Variants in DNAJC13 observed in about 807,000 individuals in gnomAD.
DNAJC13 encodes the protein DnaJ heat shock protein family (Hsp40) member C13, also known as dnaJ homolog subfamily C member 13.
In DNAJC13, 75 loss-of-function variants were observed where a neutral mutation model predicts 290.5. The ratio of observed to expected loss-of-function variants is 0.26; its 90% CI spans 0.21 to 0.31. DNAJC13 has a LOEUF of 0.31. Ranked by LOEUF, DNAJC13 falls within the 10% of genes least tolerant of loss-of-function variation. The probability of loss-of-function intolerance (pLI) is 1.00; values close to 1 mark genes in which losing one functional copy is unlikely to be tolerated. For synonymous variants in DNAJC13, 862 were observed against 892.0 expected (o/e 0.97, Z 0.60); for missense variants, 2,260 against 2,674.5 (o/e 0.85, Z 3.42).
At chr3:132,475,907 T>G (rs1934456553) in intron 22 of DNAJC13, among the ~76,000 whole-genome samples, 1 of 152,172 alleles carries the variant, frequency 6.6e-6, no homozygotes. Flanking sequence ...TCATTAAGTT[T>G]CATGGCTTTA....
chr3:132,471,084 CTCCCGGACGGGGCGGCT>C (rs1934225523), intron 20 of DNAJC13, among the ~76,000 whole-genome samples: 1 of 139,976 alleles, frequency 7.1e-6, no homozygotes, highest in Non-Finnish European at 1.6e-5. Context: ...CCCCACCTCC[CTCCCGGACGGGGCGGCT>C]GGCCGGGTGG....
intron 2 of DNAJC13, among the ~76,000 whole-genome samples, chr3:132,438,316 A>G (rs1939432244): frequency 6.6e-6 from 1 of 152,304 alleles, no homozygotes; most frequent in Non-Finnish European, 1.5e-5. Flanking sequence ...ACATTATTAA[A>G]TGGCACTGAG....
chr3:132,513,989 A>T (rs919750530), intron 45 of DNAJC13, among the ~76,000 whole-genome samples: 11 of 152,220 alleles, frequency 7.2e-5, no homozygotes, highest in African/African-American at 2.7e-4. Context: ...TAAATTGGTC[A>T]AAGAGCTTAA....
At chr3:132,502,210 C>A in intron 39 of DNAJC13, 79 bp from the exon 40 acceptor site, 1 of 1,320,646 alleles carries the variant, frequency 7.6e-7, no homozygotes, top group Non-Finnish European at 1.0e-6. Flanking sequence ...GACATACATG[C>A]ACAACCAGTT....
At chr3:132,446,375 C>A in intron 2 of DNAJC13, 100 bp from the exon 3 acceptor site, 2 of 736,688 alleles carry the variant, frequency 2.7e-6, no homozygotes, top group African/African-American at 1.8e-5. Context: ...TCAACTAACA[C>A]ATTTCTATGT....
At chr3:132,491,563 T>C (rs773969189) in intron 32 of DNAJC13, among the ~76,000 whole-genome samples, 14 of 152,082 alleles carry the variant, frequency 9.2e-5, no homozygotes, top group East Asian at 3.8e-4. Context: ...TATGTCTTTG[T>C]TGGGGGGGAA....
rs780398844 is a variant in DNAJC13 at position 132,525,691 on chromosome 3, T to C, written c.6142T>C (p.Leu2048=). Residue 2048 remains leucine (L), a synonymous_variant, in exon 52 of 56, where the codon TTG becomes CTG. Coordinates refer to ENST00000260818, the MANE Select transcript of DNAJC13 (RefSeq NM_015268.4). ...TCAGCTGGCAGATCAGGTCCCGCCA[T>C]TGGGCCATCTTCCCAAAGTTATCCA... ...QPQLADQVPP[L]GHLPKVIQAM... is the part of the protein sequence containing the mutation. 1.1e-5 allele frequency: 18 copies of C among 1,614,104 alleles called. No homozygotes were observed. Among genetic ancestry groups the C allele is most frequent in the South Asian group, 9.9e-5 (9 of 91,088 alleles).
chr3:132,482,774 G>T (rs1283735333), intron 27 of DNAJC13, among the ~76,000 whole-genome samples: 1 of 151,712 alleles, frequency 6.6e-6, no homozygotes, highest in Non-Finnish European at 1.5e-5. Flanking sequence ...TGGGAGGATC[G>T]CTTGAGTCCA....
At chr3:132,456,158 G>T in intron 9 of DNAJC13, 77 bp from the exon 10 acceptor site, 2 of 1,344,024 alleles carry the variant, frequency 1.5e-6, no homozygotes, top group Admixed American at 1.9e-5. Context: ...CTGCTAAAGG[G>T]CCTATGCTTC....
chr3:132,465,279 T>C (rs1458958862), intron 17 of DNAJC13, among the ~76,000 whole-genome samples: 1 of 152,150 alleles, frequency 6.6e-6, no homozygotes, highest in Non-Finnish European at 1.5e-5. Flanking sequence ...ATGACCATTC[T>C]TATAGCTATG....
intron 36 of DNAJC13, among the ~76,000 whole-genome samples, chr3:132,498,315 G>T (rs1288410279): frequency 1.3e-5 from 2 of 151,946 alleles, no homozygotes; most frequent in Non-Finnish European, 2.9e-5. Flanking sequence ...ATAAACAAGG[G>T]CACTTGTTAT....
intron 28 of DNAJC13, 100 bp from the exon 29 acceptor site, chr3:132,484,488 A>T (rs550275049): frequency 8.2e-6 from 9 of 1,097,090 alleles, no homozygotes; most frequent in African/African-American, 3.1e-5. Context: ...TTAACAAAAA[A>T]GTAAGGTAAC....
At chr3:132,490,340 T>C (rs1490200173) in intron 31 of DNAJC13, among the ~76,000 whole-genome samples, 1 of 152,174 alleles carries the variant, frequency 6.6e-6, no homozygotes, top group Non-Finnish European at 1.5e-5. Flanking sequence ...AGTTTAAAAT[T>C]TAGTATGATC....
chr3:132,475,229 C>A (rs1934431372), intron 22 of DNAJC13, 144 bp downstream of exon 22: 3 of 540,648 alleles, frequency 5.5e-6, no homozygotes, highest in Non-Finnish European at 8.5e-6. Context: ...TACTGGAAAA[C>A]TTTAATCTGT....
At chr3:132,450,913 C>T (rs1360182210) in intron 6 of DNAJC13, 66 bp downstream of exon 6, 2 of 923,070 alleles carry the variant, frequency 2.2e-6, no homozygotes, top group Non-Finnish European at 3.2e-6. Flanking sequence ...GAAAGCAAAG[C>T]TTTTTATACT....
chr3:132,516,576 A>G, intron 47 of DNAJC13, 80 bp downstream of exon 47: 2 of 1,545,320 alleles, frequency 1.3e-6, no homozygotes, highest in Non-Finnish European at 1.8e-6. Flanking sequence ...CAGCCTGATA[A>G]ACTAGAAGAA....
In DNAJC13 at chr3:132,462,612, T is replaced by G. The variant is rs946779140; in HGVS notation, c.1770+89T>G. The G allele has an allele frequency of 2.7e-5, 25 of 914,478 alleles. No homozygotes were observed. In the African/African-American group the frequency reaches 3.2e-4, roughly 12 times the overall value. The allele number at this position is 914,478 out of a possible 1,614,324, so 56.6% of individuals were successfully genotyped here. ...TGACAATATTGCCTTTCAGTCTTTT[T>G]GGGAAATAAACATTTCTCTGGGTAA... On this transcript the variant is annotated intron_variant, in intron 16 of 55. Coordinates refer to ENST00000260818, the MANE Select transcript of DNAJC13 (RefSeq NM_015268.4).
At chr3:132,495,198 GC>G in intron 35 of DNAJC13, 32 bp downstream of exon 35, 1 of 1,526,448 alleles carries the variant, frequency 6.6e-7, no homozygotes, top group Non-Finnish European at 9.1e-7. Flanking sequence ...CAGGCATTGG[GC>G]TTCCTCTTGC....
chr3:132,505,217 T>C, intron 41 of DNAJC13, 85 bp from the exon 42 acceptor site: 1 of 781,916 alleles, frequency 1.3e-6, no homozygotes, highest in Non-Finnish European at 2.2e-6. Flanking sequence ...TTATAGTGTT[T>C]GGCCTATAAT....
Sources: gnomAD v4.1 joint callset for allele counts (sites outside exome capture counted in the v4.1 genomes callset) on GRCh38, gnomAD v4.1.1 for gene constraint, MANE v1.5 for transcripts, NCBI Gene and HGNC (gene_info 2026-07-23, HGNC 2026-07-21) for gene names.